Variants in TEX9 observed in about 807,000 individuals in gnomAD.
TEX9 encodes testis-expressed protein 9.
Under a neutral mutation model 59.6 loss-of-function variants are expected in TEX9, and 74 were observed. That is an observed-to-expected ratio of 1.24 (90% CI 1.03 to 1.51). TEX9 has a LOEUF of 1.51. Among genes scored for constraint, TEX9 ranks in the 40% most tolerant of loss-of-function variants. TEX9 has a pLI of 0.00. For missense variants in TEX9, 522 were observed against 447.8 expected (o/e 1.17, Z -1.49); for synonymous variants, 186 against 152.2 (o/e 1.22, Z -1.64).
chr15:56,427,598 T>C lies in TEX9; in HGVS notation c.964-7T>C, dbSNP rs752340978. The C allele has an allele frequency of 8.7e-5, 130 of 1,499,726 alleles. No homozygotes were observed. The highest frequency in any genetic ancestry group is 1.1e-4 in the Non-Finnish European group (128 of 1,123,694). 92.9% of individuals were successfully genotyped at this position (1,499,726 alleles called of 1,614,324 possible). Reference sequence around the variant, plus strand: ...AAAATATATGGCACTTTTTTTTCCTTGTGTAGGACATAGCAAATGAAGAAC... The same window carrying C: ...AAAATATATGGCACTTTTTTTTCCTCGTGTAGGACATAGCAAATGAAGAAC... On this transcript the variant is annotated splice_polypyrimidine_tract_variant and splice_region_variant and intron_variant, in intron 10 of 12. Transcript: ENST00000352903.
intron 1 of TEX9, among the ~76,000 whole-genome samples, chr15:56,269,689 G>T (rs1398530988): frequency 7.4e-6 from 1 of 135,272 alleles, no homozygotes; most frequent in Non-Finnish European, 1.5e-5. Flanking sequence ...GTCTCGCTCT[G>T]TCTCCCAGGC....
At chr15:56,458,535 G>A in the TEX9 span, among the ~76,000 whole-genome samples, 5 of 151,464 alleles carry the variant, frequency 3.3e-5, no homozygotes, top group African/African-American at 1.2e-4. Context: ...ATGGGTTTTG[G>A]CAATGCATAA....
At chr15:56,249,473 A>G (rs1256356276) in intron 1 of TEX9, among the ~76,000 whole-genome samples, 7 of 146,898 alleles carry the variant, frequency 4.8e-5, no homozygotes, top group African/African-American at 1.7e-4. Flanking sequence ...GAGGGAAGAA[A>G]GGAGGGAGGG....
At chr15:56,427,300 C>CAAAT (rs1287586208) in intron 10 of TEX9, among the ~76,000 whole-genome samples, 1 of 151,698 alleles carries the variant, frequency 6.6e-6, no homozygotes, top group Non-Finnish European at 1.5e-5. Flanking sequence ...AAAATGTTTT[C>CAAAT]AAATATATTA....
chr15:56,409,146 A>G (rs1282211437), intron 9 of TEX9, among the ~76,000 whole-genome samples: 2 of 151,914 alleles, frequency 1.3e-5, no homozygotes, highest in Admixed American at 6.6e-5. Context: ...CAGTGAGCCG[A>G]GATTGCACCA....
At chr15:56,330,311 T>C (rs1272981165) in intron 1 of TEX9, among the ~76,000 whole-genome samples, 1 of 152,116 alleles carries the variant, frequency 6.6e-6, no homozygotes, top group Non-Finnish European at 1.5e-5. Flanking sequence ...GAAAAGGACA[T>C]TAATGAACAA....
At chr15:56,292,162 C>T (rs1439909260) in intron 1 of TEX9, among the ~76,000 whole-genome samples, 1 of 152,206 alleles carries the variant, frequency 6.6e-6, no homozygotes, top group Non-Finnish European at 1.5e-5. Context: ...ATAGTAGTAT[C>T]CTCATGCAGC....
chr15:56,381,863 C>G (rs891425210), intron 3 of TEX9, among the ~76,000 whole-genome samples: 2 of 152,164 alleles, frequency 1.3e-5, no homozygotes, highest in African/African-American at 2.4e-5. Context: ...ACCTGGCTAC[C>G]ACCTATGTTC....
chr15:56,384,047 T>C lies in TEX9; in HGVS notation c.263+16T>C, dbSNP rs1282507267. 1 of 1,588,246 alleles carries C rather than the reference T, an allele frequency of 6.3e-7. No homozygotes were observed. Among genetic ancestry groups the C allele is most frequent in the South Asian group, 1.1e-5 (1 of 87,984 alleles). ...ACAGTTTAAGGTAAGTATCTTAAAT[T>C]CTCAAGCACCTTCTTTTAAAAGGAT... On this transcript the variant is annotated intron_variant, in intron 4 of 12. Transcript: ENST00000352903.
intron 1 of TEX9, among the ~76,000 whole-genome samples, chr15:56,317,044 A>G (rs903564825): frequency 6.6e-6 from 1 of 152,040 alleles, no homozygotes; most frequent in Non-Finnish European, 1.5e-5. Flanking sequence ...ACCTGCGCCC[A>G]CTGTCTGGCA....
chr15:56,388,080 C>T (rs544096928), intron 4 of TEX9, among the ~76,000 whole-genome samples: 2 of 152,074 alleles, frequency 1.3e-5, no homozygotes, highest in Admixed American at 1.3e-4. Context: ...GGAAAACAGG[C>T]ACTAACCAGG....
chr15:56,353,733 C>G (rs2046629768), intron 1 of TEX9, among the ~76,000 whole-genome samples: 1 of 152,130 alleles, frequency 6.6e-6, no homozygotes, highest in African/African-American at 2.4e-5. Context: ...AGGCCTAAGC[C>G]TTAGATTTTT....
chr15:56,425,795 C>T (rs1250842211), intron 10 of TEX9, among the ~76,000 whole-genome samples: 3 of 152,026 alleles, frequency 2.0e-5, no homozygotes, highest in Non-Finnish European at 4.4e-5. Context: ...TGTGATCTTA[C>T]ATTGAAAAAC....
chr15:56,454,890 C>A, the TEX9 span, among the ~76,000 whole-genome samples: 1 of 152,088 alleles, frequency 6.6e-6, no homozygotes, highest in Non-Finnish European at 1.5e-5. Context: ...CTAATAAAAT[C>A]TAATTCTGTA....
At chr15:56,310,933 A>T (rs2045596496) in intron 1 of TEX9, among the ~76,000 whole-genome samples, 1 of 152,126 alleles carries the variant, frequency 6.6e-6, no homozygotes, top group Non-Finnish European at 1.5e-5. Flanking sequence ...CCGATTGCAG[A>T]GAGAGGTTGC....
chr15:56,431,925 T>C lies in TEX9; in HGVS notation c.*29+3452T>C, dbSNP rs928420873. Among the ~76,000 whole-genome samples the C allele has an allele frequency of 4.6e-5, 7 of 152,136 alleles. No homozygotes were observed. In the South Asian group the frequency reaches 1.5e-3, roughly 32 times the overall value. ...CATATATATATATATAAAGATGATA[T>C]GAAGCATGAGAATTCCACTAGTATT... On this transcript the variant is annotated intron_variant, in intron 12 of 12. Coordinates refer to ENST00000352903, the Ensembl canonical transcript of TEX9.
At chr15:56,285,652 T>G (rs1167511753) in intron 1 of TEX9, among the ~76,000 whole-genome samples, 1 of 152,222 alleles carries the variant, frequency 6.6e-6, no homozygotes, top group Non-Finnish European at 1.5e-5. Context: ...TTTTCAGTTC[T>G]TCAGTACTCT....
intron 1 of TEX9, among the ~76,000 whole-genome samples, chr15:56,259,900 A>C (rs2044225219): frequency 6.6e-6 from 1 of 152,042 alleles, no homozygotes. Context: ...CTATTCATCT[A>C]GTTAGATCTT....
chr15:56,426,610 T>TAC (rs2050275598), intron 10 of TEX9, among the ~76,000 whole-genome samples: 4 of 38,972 alleles, frequency 1.0e-4, no homozygotes, highest in Admixed American at 5.4e-4. Context: ...TATATATATA[T>TAC]ATATATATAT....
Sources: gnomAD v4.1 joint callset for allele counts (sites outside exome capture counted in the v4.1 genomes callset) on GRCh38, gnomAD v4.1.1 for gene constraint, MANE v1.5 for transcripts, NCBI Gene and HGNC (gene_info 2026-07-23, HGNC 2026-07-21) for gene names.